The following PPM1E variants were observed in gnomAD, a reference collection of about 807,000 sequenced individuals.
The protein encoded by PPM1E is protein phosphatase, Mg2+/Mn2+ dependent 1E.
PPM1E carries 20 observed loss-of-function variants against 65.9 expected under a neutral mutation model. That is an observed-to-expected ratio of 0.30 (90% CI 0.21 to 0.44). The LOEUF (loss-of-function observed/expected upper bound fraction) is 0.44. Among genes scored for constraint, PPM1E ranks in the 20% least tolerant of loss-of-function variants. The probability of loss-of-function intolerance (pLI) is 1.00; values close to 1 mark genes in which losing one functional copy is unlikely to be tolerated. For missense variants in PPM1E, 713 were observed against 953.1 expected (o/e 0.75, Z 3.32); for synonymous variants, 352 against 374.9 (o/e 0.94, Z 0.70).
chr17:58,962,583 A>G (rs2030067684), intron 2 of PPM1E, among the ~76,000 whole-genome samples: 1 of 152,230 alleles, frequency 6.6e-6, no homozygotes, highest in Non-Finnish European at 1.5e-5. Flanking sequence ...GATAGGTTGC[A>G]GTGATACAAG....
At chr17:58,756,677 C>T (rs1272271880) in intron 1 of PPM1E, among the ~76,000 whole-genome samples, 1 of 128,572 alleles carries the variant, frequency 7.8e-6, no homozygotes, top group South Asian at 2.4e-4. Flanking sequence ...TCGGCCCCCA[C>T]GCCTCCTACC....
At chr17:58,889,409 G>A (rs1369716452) in intron 1 of PPM1E, among the ~76,000 whole-genome samples, 2 of 152,118 alleles carry the variant, frequency 1.3e-5, no homozygotes, top group African/African-American at 2.4e-5. Flanking sequence ...GACCAGCTTG[G>A]CCAACATGGT....
intron 2 of PPM1E, among the ~76,000 whole-genome samples, chr17:58,962,978 A>G (rs1555623252): frequency 6.6e-6 from 1 of 152,068 alleles, no homozygotes; most frequent in Non-Finnish European, 1.5e-5. Context: ...GATCCCAGCT[A>G]CTTGAGAGGC....
At chr17:58,935,249 C>CAAAA (rs11347335) in intron 1 of PPM1E, among the ~76,000 whole-genome samples, 1 of 140,400 alleles carries the variant, frequency 7.1e-6, no homozygotes, top group South Asian at 2.2e-4. Context: ...GACTCCATTT[C>CAAAA]AAAAAAAAAA....
chr17:58,836,979 C>T (rs2050664978), intron 1 of PPM1E, among the ~76,000 whole-genome samples: 1 of 143,444 alleles, frequency 7.0e-6, no homozygotes, highest in Non-Finnish European at 1.5e-5. Context: ...GAGATCCCGC[C>T]ACTGCACTCC....
chr17:58,904,655 T>C (rs967974881), intron 1 of PPM1E, among the ~76,000 whole-genome samples: 1 of 152,188 alleles, frequency 6.6e-6, no homozygotes, highest in Non-Finnish European at 1.5e-5. Flanking sequence ...TATTTCTCCA[T>C]TAATTTAGTT....
intron 6 of PPM1E, among the ~76,000 whole-genome samples, chr17:58,977,170 C>T (rs755062025): frequency 3.9e-5 from 6 of 151,946 alleles, no homozygotes; most frequent in Non-Finnish European, 7.4e-5. Context: ...GAGGGCTGGG[C>T]GCGGTGGCTC....
At chr17:58,944,877 T>C (rs552061516) in intron 1 of PPM1E, among the ~76,000 whole-genome samples, 1 of 152,200 alleles carries the variant, frequency 6.6e-6, no homozygotes, top group African/African-American at 2.4e-5. Context: ...GCTGGCCATA[T>C]GGTAACTTTA....
intron 1 of PPM1E, among the ~76,000 whole-genome samples, chr17:58,861,093 C>T (rs972952639): frequency 2.0e-5 from 3 of 152,142 alleles, no homozygotes; most frequent in Non-Finnish European, 4.4e-5. Context: ...TTGAGAAGCA[C>T]GGATATATTT....
At chr17:58,866,363 C>A (rs2051003485) in intron 1 of PPM1E, among the ~76,000 whole-genome samples, 1 of 152,170 alleles carries the variant, frequency 6.6e-6, no homozygotes, top group African/African-American at 2.4e-5. Flanking sequence ...TAGGGAAATG[C>A]CACAGGATTG....
At position 58,930,822 on chromosome 17, in the gene PPM1E, T is replaced by C. The variant is rs147948914; in HGVS notation, c.465-24827T>C. Among the ~76,000 whole-genome samples, 975 of 152,182 alleles carry C rather than the reference T, an allele frequency of 6.4e-3. 4 individuals are homozygous for C. The highest frequency in any genetic ancestry group is 9.3e-3 in the Non-Finnish European group (634 of 68,016). On this transcript the variant is annotated intron_variant, in intron 1 of 6. Coordinates refer to ENST00000308249, the MANE Select transcript of PPM1E (RefSeq NM_014906.5). ...AAAGGAATAGAGAGCCAATGTAAGA[T>C]GTAGAACATGGATAAAGTAGAATAA...
At chr17:58,759,009 G>A (rs1262619951) in intron 1 of PPM1E, among the ~76,000 whole-genome samples, 3 of 152,124 alleles carry the variant, frequency 2.0e-5, no homozygotes, top group Admixed American at 6.5e-5. Context: ...GGCGGAGGTT[G>A]CAGTGAGCCA....
chr17:58,779,268 T>TCCGCTTGAGCA (rs2050029042), intron 1 of PPM1E, among the ~76,000 whole-genome samples: 2 of 150,878 alleles, frequency 1.3e-5, no homozygotes. Flanking sequence ...CTCCGCTTCC[T>TCCGCTTGAGCA]GGGTTCAAGC....
intron 1 of PPM1E, among the ~76,000 whole-genome samples, chr17:58,770,336 G>A (rs1372807404): frequency 6.6e-6 from 1 of 152,058 alleles, no homozygotes; most frequent in Non-Finnish European, 1.5e-5. Context: ...ATTAGCTTTA[G>A]TGCAGGTCTG....
intron 1 of PPM1E, among the ~76,000 whole-genome samples, chr17:58,839,645 C>T: frequency 6.6e-6 from 1 of 152,156 alleles, no homozygotes; most frequent in Non-Finnish European, 1.5e-5. Flanking sequence ...TAGTGGGAGC[C>T]AGGTTTCTCA....
intron 1 of PPM1E, among the ~76,000 whole-genome samples, chr17:58,798,900 G>A (rs1485087806): frequency 1.3e-5 from 2 of 151,852 alleles, no homozygotes; most frequent in Non-Finnish European, 2.9e-5. Context: ...CACTATGTTG[G>A]CCAGGCTGGT....
chr17:58,945,146 CTTT>C (rs766042162), intron 1 of PPM1E, among the ~76,000 whole-genome samples: 1 of 135,030 alleles, frequency 7.4e-6, no homozygotes, highest in Non-Finnish European at 1.6e-5. Context: ...TCACACACTT[CTTT>C]TTTTTTTTTT....
intron 1 of PPM1E, among the ~76,000 whole-genome samples, chr17:58,808,157 T>G (rs2050332567): frequency 6.6e-6 from 1 of 152,210 alleles, no homozygotes; most frequent in African/African-American, 2.4e-5. Context: ...TCTAGTATGT[T>G]AAATTGGTGA....
Position 58,767,663 on chromosome 17 carries a change from A to G in PPM1E, c.464+11202A>G, listed in dbSNP as rs373282222. Among the ~76,000 whole-genome samples the G allele has an allele frequency of 5.1e-4, 78 of 152,068 alleles. 1 individual carries two copies. The South Asian group carries it at 6.4e-3, about 13-fold the overall frequency. On this transcript the variant is annotated intron_variant, in intron 1 of 6. Coordinates refer to ENST00000308249, the MANE Select transcript of PPM1E (RefSeq NM_014906.5). ...TATTTATTTATTTATTTATTTGGAG[A>G]TGGAGTTTCGCTCTTGTTGCTCAGG...
Sources: gnomAD v4.1 joint callset for allele counts (sites outside exome capture counted in the v4.1 genomes callset) on GRCh38, gnomAD v4.1.1 for gene constraint, MANE v1.5 for transcripts, NCBI Gene and HGNC (gene_info 2026-07-23, HGNC 2026-07-21) for gene names.